Variants in OXR1 observed in about 807,000 individuals in gnomAD.
OXR1 encodes oxidation resistance protein 1.
A neutral mutation model predicts 104.6 loss-of-function variants in OXR1; 41 were observed. That is an observed-to-expected ratio of 0.39 (90% CI 0.31 to 0.51). The LOEUF (loss-of-function observed/expected upper bound fraction) is 0.51, where lower values mean the gene tolerates loss of function less well. OXR1 is among the 20% of genes least tolerant of loss of function. OXR1 has a pLI of 0.77. For missense variants in OXR1, 955 were observed against 1,031.9 expected, an observed-to-expected ratio of 0.93 and a Z score of 1.02; for synonymous variants, 348 against 348.4, an observed-to-expected ratio of 1.00 and a Z score of 0.01.
At chr8:106,526,154 C>G (rs897958125) in intron 3 of OXR1, among the ~76,000 whole-genome samples, 1 of 152,218 alleles carries the variant, frequency 6.6e-6, no homozygotes, top group East Asian at 1.9e-4. Flanking sequence ...ATGTTATTCA[C>G]GTAAAATATG....
intron 3 of OXR1, among the ~76,000 whole-genome samples, chr8:106,619,597 A>C (rs904231838): frequency 6.6e-6 from 1 of 152,232 alleles, no homozygotes; most frequent in Non-Finnish European, 1.5e-5. Context: ...GCAATGCCAA[A>C]TATTTAATCA....
intron 3 of OXR1, among the ~76,000 whole-genome samples, chr8:106,591,445 TAA>T (rs79236395): frequency 6.8e-6 from 1 of 146,514 alleles, no homozygotes; most frequent in African/African-American, 2.5e-5. Context: ...AAAGTATAAT[TAA>T]AAAAAAAAAG....
chr8:106,513,588 T>G (rs1478016133), intron 2 of OXR1, among the ~76,000 whole-genome samples: 1 of 152,136 alleles, frequency 6.6e-6, no homozygotes, highest in African/African-American at 2.4e-5. Context: ...CCAGAATGAG[T>G]CAAGCCTCCT....
chr8:106,392,155 G>A (rs1222675367), intron 2 of OXR1, among the ~76,000 whole-genome samples: 2 of 152,162 alleles, frequency 1.3e-5, no homozygotes, highest in African/African-American at 2.4e-5. Flanking sequence ...ATAACCCAAT[G>A]GATGTTCAAC....
intron 2 of OXR1, among the ~76,000 whole-genome samples, chr8:106,460,534 A>C (rs1487827684): frequency 6.6e-6 from 1 of 152,184 alleles, no homozygotes; most frequent in South Asian, 2.1e-4. Context: ...AGCAGCTCTA[A>C]TGGTGGCTAG....
chr8:106,479,035 A>G (rs1821959440), intron 2 of OXR1, among the ~76,000 whole-genome samples: 1 of 151,960 alleles, frequency 6.6e-6, no homozygotes, highest in Admixed American at 6.6e-5. Flanking sequence ...TAGCAATTCA[A>G]TACCCAGAGG....
At chr8:106,271,093 G>A (rs1811783531) in intron 1 of OXR1, among the ~76,000 whole-genome samples, 2 of 152,130 alleles carry the variant, frequency 1.3e-5, no homozygotes, top group African/African-American at 4.8e-5. Flanking sequence ...TTTGGGTGAA[G>A]AGGGGGGGAG....
At chr8:106,374,987 T>C (rs995948310) in intron 2 of OXR1, among the ~76,000 whole-genome samples, 7 of 152,204 alleles carry the variant, frequency 4.6e-5, no homozygotes, top group African/African-American at 1.7e-4. Context: ...TTAGGTTAAC[T>C]ACTTTTTGAT....
intron 15 of OXR1, among the ~76,000 whole-genome samples, chr8:106,742,702 A>T (rs1835023612): frequency 6.6e-6 from 1 of 152,190 alleles, no homozygotes; most frequent in Non-Finnish European, 1.5e-5. Context: ...TAGGGAAAGG[A>T]TTCCCTATTT....
chr8:106,404,849 G>T (rs1229134141), intron 2 of OXR1, among the ~76,000 whole-genome samples: 1 of 151,908 alleles, frequency 6.6e-6, no homozygotes, highest in Admixed American at 6.6e-5. Flanking sequence ...GGGACTACAG[G>T]TTCCCACCAC....
At chr8:106,513,276 A>G (rs1200636534) in intron 2 of OXR1, among the ~76,000 whole-genome samples, 1 of 151,896 alleles carries the variant, frequency 6.6e-6, no homozygotes, top group South Asian at 2.1e-4. Context: ...ATTGAACCCT[A>G]TTTTCACAGA....
chr8:106,521,866 C>T (rs1813287910), intron 3 of OXR1, among the ~76,000 whole-genome samples: 3 of 152,018 alleles, frequency 2.0e-5, no homozygotes, highest in Admixed American at 6.6e-5. Flanking sequence ...ACCACAAGTC[C>T]CAGAGAATCT....
chr8:106,691,431 A>G (rs1829264323), intron 6 of OXR1, among the ~76,000 whole-genome samples: 1 of 151,804 alleles, frequency 6.6e-6, no homozygotes, highest in Non-Finnish European at 1.5e-5. Flanking sequence ...TTTGAAAGTA[A>G]TCTCCTTTTT....
In OXR1 at chr8:106,446,041, G is replaced by A. The variant is rs138727539; in HGVS notation, c.24-72902G>A. ...CTTTCTTACTAGGCTATCAAATAGA[G>A]ATTGGCTTTGTGAAAGTTTTCTTTT... On this transcript the variant is annotated intron_variant, in intron 2 of 16. Coordinates refer to ENST00000517566, the MANE Select transcript of OXR1 (RefSeq NM_001198533.2). 1.4e-3 allele frequency among the ~76,000 whole-genome samples: 214 copies of A among 152,290 alleles called. 1 individual carries two copies. The highest frequency in any genetic ancestry group is 4.9e-3 in the African/African-American group (205 of 41,570).
intron 3 of OXR1, among the ~76,000 whole-genome samples, chr8:106,614,511 A>C (rs1338473665): frequency 2.0e-5 from 3 of 152,256 alleles, no homozygotes; most frequent in African/African-American, 7.2e-5. Context: ...GCTTCTTAGC[A>C]GCCCACATCC....
At chr8:106,673,219 G>T (rs1827225103) in intron 3 of OXR1, among the ~76,000 whole-genome samples, 1 of 152,186 alleles carries the variant, frequency 6.6e-6, no homozygotes, top group African/African-American at 2.4e-5. Flanking sequence ...TCCAGGCTGA[G>T]GTGGTCTCAG....
chr8:106,734,293 T>A (rs1251343447), intron 11 of OXR1, among the ~76,000 whole-genome samples: 2 of 152,198 alleles, frequency 1.3e-5, no homozygotes. Context: ...TGAGATATAG[T>A]AGAACAACGG....
chr8:106,739,656 G>C (rs2131569694), intron 13 of OXR1, 73 bp downstream of exon 13: 1 of 1,462,784 alleles, frequency 6.8e-7, no homozygotes, highest in East Asian at 2.3e-5. Flanking sequence ...CCTCTTTTTA[G>C]TTGTTTCTGA....
At chr8:106,561,688 C>T (rs1327143566) in intron 3 of OXR1, among the ~76,000 whole-genome samples, 1 of 152,174 alleles carries the variant, frequency 6.6e-6, no homozygotes, top group Non-Finnish European at 1.5e-5. Context: ...TGGGAGACAC[C>T]TCCCAGCAAT....
Sources: allele counts gnomAD v4.1 joint callset (sites outside exome capture counted in the v4.1 genomes callset), GRCh38; gene constraint gnomAD v4.1.1; transcripts MANE v1.5; gene names NCBI Gene and HGNC (gene_info 2026-07-23, HGNC 2026-07-21).